The following TXNL4A variants were observed in gnomAD, a reference collection of about 807,000 sequenced individuals.
TXNL4A encodes the protein thioredoxin like 4A.
Under a neutral mutation model 14.6 loss-of-function variants are expected in TXNL4A, and 17 were observed. The ratio of observed to expected loss-of-function variants is 1.16; its 90% CI spans 0.80 to 1.74. The LOEUF is 1.74. Among genes scored for constraint, TXNL4A ranks in the 40% most tolerant of loss-of-function variants. The pLI, the probability that TXNL4A is intolerant of heterozygous loss-of-function variation, is 0.00. For synonymous variants in TXNL4A, 83 were observed against 70.6 expected (o/e 1.18, Z -0.88); for missense variants, 74 against 195.2 (o/e 0.38, Z 3.70).
At chr18:80,015,425 T>C (rs1348572935) in intron 1 of TXNL4A, among the ~76,000 whole-genome samples, 1 of 151,442 alleles carries the variant, frequency 6.6e-6, no homozygotes, top group Non-Finnish European at 1.5e-5. Flanking sequence ...GTCAGTTACA[T>C]ATGTATACAT....
At position 80,011,937 on chromosome 18, in the gene TXNL4A, C is replaced by T. The variant is rs776452274; in HGVS notation, c.-61+21914G>A. On this transcript the variant is annotated intron_variant, in intron 1 of 2. Transcript: ENST00000585474. This position sits in a 1 kb window ranked among gnomAD's most constrained non-coding sequence, Gnocchi z 4.1. ...GCTAAACATCTTATTGAGTGACTAA[C>T]GAGTTCTCCTTCACTGATTAATCCT... Among the ~76,000 whole-genome samples the T allele has an allele frequency of 1.3e-5, 2 of 152,132 alleles. No individual in the cohort carries two copies. Among genetic ancestry groups the T allele is most frequent in the Non-Finnish European group, 2.9e-5 (2 of 68,034 alleles).
intron 1 of TXNL4A, among the ~76,000 whole-genome samples, chr18:80,019,393 T>C (rs2051833941): frequency 6.6e-6 from 1 of 152,122 alleles, no homozygotes; most frequent in Admixed American, 6.5e-5. Flanking sequence ...GAATTTATCA[T>C]GAGAACAGCA....
rs1018827384 is a variant in TXNL4A at position 79,982,607 on chromosome 18, G to A, written c.154-4906C>T. Among the ~76,000 whole-genome samples, 1 of 152,174 alleles carries A rather than the reference G, an allele frequency of 6.6e-6. No homozygotes were observed. Among genetic ancestry groups the A allele is most frequent in the Non-Finnish European group, 1.5e-5 (1 of 68,034 alleles). On this transcript the variant is annotated intron_variant, in intron 1 of 2. Transcript: ENST00000269601. The surrounding 1 kb of genome is among the most constrained non-coding windows in gnomAD (Gnocchi z 4.0). ...GAGACTCCGGGGAGCTGTGCCGAGT[G>A]CCCCAGAGAGGTTACCAGAAAGGAC...
chr18:80,027,516 T>C (rs371082186), intron 1 of TXNL4A, among the ~76,000 whole-genome samples: 64 of 152,304 alleles, frequency 4.2e-4, no homozygotes, highest in Admixed American at 2.7e-3. Flanking sequence ...TCCAGACAGC[T>C]GGTATTTGTT....
chr18:79,990,007 C>T (rs1037712053), upstream of TXNL4A, among the ~76,000 whole-genome samples: 1 of 152,118 alleles, frequency 6.6e-6, no homozygotes, highest in East Asian at 1.9e-4. Flanking sequence ...AAAACAACAA[C>T]AAATCACTAT....
chr18:80,015,598 G>A (rs1351916429), intron 1 of TXNL4A, among the ~76,000 whole-genome samples: 11 of 151,372 alleles, frequency 7.3e-5, no homozygotes, highest in Non-Finnish European at 1.3e-4. Context: ...ATCTATAAGT[G>A]AGAACATGCG....
chr18:80,016,896 G>A (rs1233195545), intron 1 of TXNL4A, among the ~76,000 whole-genome samples: 2 of 151,926 alleles, frequency 1.3e-5, no homozygotes, highest in African/African-American at 4.8e-5. Flanking sequence ...CCAATTCTGT[G>A]AAGAAAGTCA....
At chr18:80,014,686 C>T (rs2051795029) in intron 1 of TXNL4A, among the ~76,000 whole-genome samples, 2 of 152,168 alleles carry the variant, frequency 1.3e-5, no homozygotes, top group African/African-American at 4.8e-5. Flanking sequence ...AGTGGATCTA[C>T]CATTCTGGGG....
In TXNL4A at chr18:79,977,714, TAAAAAA is replaced by T. The variant is rs771287209; in HGVS notation, c.154-19_154-14del. 9 of 1,211,338 alleles carry T rather than the reference TAAAAAA, an allele frequency of 7.4e-6. No individual in the cohort carries two copies. The highest frequency in any genetic ancestry group is 1.0e-5 in the Non-Finnish European group (9 of 879,402). The allele number at this position is 1,211,338 out of a possible 1,614,324, so 75.0% of individuals were successfully genotyped here. A position where few individuals can be genotyped will look rare whatever the true frequency, so the allele number is the denominator to read the frequency against. ...CAAAATTTTTAACCTAAAAGGAGATTAAAAAAAAAAACTGAAATAACAGAACACTTT... is the reference window on the plus strand; with the variant it reads ...CAAAATTTTTAACCTAAAAGGAGATTAAAAACTGAAATAACAGAACACTTT... On this transcript the variant is annotated splice_polypyrimidine_tract_variant and intron_variant, in intron 1 of 2. Transcript: ENST00000269601.
intron 1 of TXNL4A, among the ~76,000 whole-genome samples, chr18:80,000,453 G>A (rs1267104064): frequency 1.3e-5 from 2 of 152,202 alleles, no homozygotes; most frequent in African/African-American, 4.8e-5. Flanking sequence ...GTATCTGGCA[G>A]GAAATTTCTA....
At chr18:80,009,613 T>G (rs1335248476) in intron 1 of TXNL4A, among the ~76,000 whole-genome samples, 1 of 152,124 alleles carries the variant, frequency 6.6e-6, no homozygotes, top group East Asian at 1.9e-4. Context: ...AAGGCCAGAT[T>G]TAGAGCAAGA....
chr18:80,010,438 G>GGACCTA (rs1348791798), intron 1 of TXNL4A, among the ~76,000 whole-genome samples: 2 of 152,166 alleles, frequency 1.3e-5, no homozygotes, highest in Non-Finnish European at 2.9e-5. Flanking sequence ...GCCTGGCCCA[G>GGACCTA]GACCTATTAG....
At chr18:79,991,923 T>G (rs540156308), upstream of TXNL4A, among the ~76,000 whole-genome samples, 11 of 152,292 alleles carry the variant, frequency 7.2e-5, no homozygotes, top group African/African-American at 2.4e-4. Flanking sequence ...TTTATACATT[T>G]TAGGGAGGCA....
At position 79,996,337 on chromosome 18, in the gene TXNL4A, T is replaced by C. The variant is rs543034579; in HGVS notation, c.-60-18636A>G. ...GACACAGGAGTGGCTATATCTGTTA[T>C]AAATCCCACCTAATTTAGAAACCCC... On this transcript the variant is annotated intron_variant, in intron 1 of 2. Transcript: ENST00000585474. Among the ~76,000 whole-genome samples the C allele has an allele frequency of 1.7e-3, 259 of 152,290 alleles. 1 individual carries two copies. Among genetic ancestry groups the C allele is most frequent in the African/African-American group, 5.9e-3 (246 of 41,570 alleles).
At chr18:80,024,414 C>T (rs1277259684) in intron 1 of TXNL4A, among the ~76,000 whole-genome samples, 3 of 152,092 alleles carry the variant, frequency 2.0e-5, no homozygotes, top group East Asian at 1.9e-4. Flanking sequence ...GCTTAGAAAT[C>T]GTATATTTTG....
At chr18:80,020,132 C>T (rs1300377802) in intron 1 of TXNL4A, among the ~76,000 whole-genome samples, 3 of 152,148 alleles carry the variant, frequency 2.0e-5, no homozygotes, top group South Asian at 2.1e-4. Context: ...GGGAGTTTGC[C>T]AGCACAGGCT....
Position 79,982,103 on chromosome 18 carries a change from G to A in TXNL4A, c.154-4402C>T, listed in dbSNP as rs1396888279. On this transcript the variant is annotated intron_variant, in intron 1 of 2. Transcript: ENST00000269601. The surrounding 1 kb of genome is among the most constrained non-coding windows in gnomAD (Gnocchi z 4.0). ...CAGCCTAACCCACAGGAGACGGGGC[G>A]GCAGTGTGGTCACGGGGTGGCAGGG... Among the ~76,000 whole-genome samples the A allele has an allele frequency of 8.5e-5, 13 of 152,308 alleles. No homozygotes were observed. In the South Asian group the frequency reaches 1.5e-3, roughly 17 times the overall value.
chr18:80,028,215 G>C (rs12454927), intron 1 of TXNL4A, among the ~76,000 whole-genome samples: 39,421 of 147,364 alleles, frequency 0.27, 5,738 homozygotes, highest in East Asian at 0.48. Flanking sequence ...CCGGTGGCTT[G>C]AGGGCTGCCT....
chr18:80,020,600 A>G (rs553908019), intron 1 of TXNL4A, among the ~76,000 whole-genome samples: 18 of 152,296 alleles, frequency 1.2e-4, no homozygotes, highest in African/African-American at 4.3e-4. Flanking sequence ...TTTGAGACAT[A>G]AAGATTAAAC....
Sources: allele counts gnomAD v4.1 joint callset (sites outside exome capture counted in the v4.1 genomes callset), GRCh38; gene constraint gnomAD v4.1.1; non-coding constraint Gnocchi (gnomAD v3.1); transcripts MANE v1.5; gene names NCBI Gene and HGNC (gene_info 2026-07-23, HGNC 2026-07-21).